The following ARHGEF11 variants were observed in gnomAD, a reference collection of about 807,000 sequenced individuals.
ARHGEF11 encodes Rho guanine nucleotide exchange factor 11.
In ARHGEF11, 55 loss-of-function variants were observed where a neutral mutation model predicts 193.7. That is an observed-to-expected ratio of 0.28 (90% CI 0.23 to 0.36). ARHGEF11 has a LOEUF of 0.36. Ranked by LOEUF, ARHGEF11 falls within the 10% of genes least tolerant of loss-of-function variation. The pLI is 1.00. For synonymous variants in ARHGEF11, 693 were observed against 768.0 expected, an observed-to-expected ratio of 0.90 and a Z score of 1.62; for missense variants, 1,723 against 2,005.6, an observed-to-expected ratio of 0.86 and a Z score of 2.69.
intron 1 of ARHGEF11, among the ~76,000 whole-genome samples, chr1:156,993,441 AATAG>A (rs1458762084): frequency 3.3e-5 from 5 of 152,176 alleles, no homozygotes; most frequent in Non-Finnish European, 7.3e-5. Flanking sequence ...ACATACATAA[AATAG>A]ATGGATAGAG....
At chr1:156,995,556 CTTCT>C (rs1473823354) in intron 1 of ARHGEF11, among the ~76,000 whole-genome samples, 5 of 150,350 alleles carry the variant, frequency 3.3e-5, no homozygotes, top group South Asian at 2.1e-4. Flanking sequence ...GCCTTTTCTT[CTTCT>C]TTTTTTTTTT....
intron 34 of ARHGEF11, 66 bp from the exon 35 acceptor site, chr1:156,941,499 T>C (rs1385480143): frequency 7.8e-6 from 12 of 1,539,940 alleles, no homozygotes; most frequent in Non-Finnish European, 2.7e-6. Flanking sequence ...TGCATTAGAA[T>C]GGGCAATGGA....
At chr1:157,007,262 T>A (rs1242108337) in intron 1 of ARHGEF11, among the ~76,000 whole-genome samples, 1 of 151,692 alleles carries the variant, frequency 6.6e-6, no homozygotes, top group Non-Finnish European at 1.5e-5. Flanking sequence ...AATGAGAGAA[T>A]AAAATGGCTG....
intron 34 of ARHGEF11, 63 bp from the exon 35 acceptor site, chr1:156,941,496 G>C (rs75968909): frequency 1.4e-5 from 22 of 1,550,012 alleles, no homozygotes; most frequent in Non-Finnish European, 2.0e-5. Flanking sequence ...TCATGCATTA[G>C]AATGGGCAAT....
At chr1:156,941,303 C>T in intron 35 of ARHGEF11, 69 bp downstream of exon 35, 1 of 1,520,310 alleles carries the variant, frequency 6.6e-7, no homozygotes, top group Non-Finnish European at 9.1e-7. Flanking sequence ...CGCCCCCATA[C>T]TCACACCCAA....
chr1:156,979,490 G>A (rs1663805927), intron 4 of ARHGEF11, among the ~76,000 whole-genome samples: 1 of 149,504 alleles, frequency 6.7e-6, no homozygotes, highest in East Asian at 2.0e-4. Context: ...TCAGCCTCCT[G>A]AGTAGCTGGG....
chr1:156,949,958 G>C (rs780120433), intron 22 of ARHGEF11, among the ~76,000 whole-genome samples: 1 of 152,140 alleles, frequency 6.6e-6, no homozygotes, highest in Non-Finnish European at 1.5e-5. Flanking sequence ...AAACCCAAAG[G>C]CTTCTGCTTA....
Position 156,951,707 on chromosome 1 carries a change from C to A in ARHGEF11, c.1799-8G>T. On this transcript the variant is annotated splice_polypyrimidine_tract_variant and splice_region_variant and intron_variant, in intron 21 of 40. Transcript: ENST00000368194. ...TCACATTGCCTGGTTTGACTAGAAGCAAAAAGAAAATGAAGGACACTAGGC... is the reference window on the plus strand; with the variant it reads ...TCACATTGCCTGGTTTGACTAGAAGAAAAAAGAAAATGAAGGACACTAGGC... 1 of 1,613,440 alleles carries A rather than the reference C, an allele frequency of 6.2e-7. No homozygotes were observed. Among genetic ancestry groups the A allele is most frequent in the Middle Eastern group, 1.7e-4 (1 of 6,050 alleles).
At chr1:156,937,929 A>G (rs1655852104) in intron 38 of ARHGEF11, among the ~76,000 whole-genome samples, 1 of 152,084 alleles carries the variant, frequency 6.6e-6, no homozygotes, top group Admixed American at 6.5e-5. Flanking sequence ...CCATGCCACG[A>G]TCCTCTGGAG....
At chr1:156,963,849 A>G in intron 11 of ARHGEF11, 1 of 1,116,528 alleles carries the variant, frequency 9.0e-7, no homozygotes, top group Non-Finnish European at 1.2e-6. Flanking sequence ...GATGGGAAGT[A>G]GGAGAAAATG....
intron 1 of ARHGEF11, among the ~76,000 whole-genome samples, chr1:156,987,802 A>C (rs1316034586): frequency 6.6e-6 from 1 of 152,160 alleles, no homozygotes; most frequent in East Asian, 1.9e-4. Context: ...AGGAGAGAGC[A>C]ACGCAGGACA....
intron 7 of ARHGEF11, among the ~76,000 whole-genome samples, chr1:156,974,603 C>T (rs1482794332): frequency 1.3e-5 from 2 of 152,200 alleles, no homozygotes; most frequent in African/African-American, 2.4e-5. Flanking sequence ...ACCCCTACTA[C>T]CTAATTCCAG....
chr1:157,013,263 T>C (rs12065378), intron 1 of ARHGEF11, among the ~76,000 whole-genome samples: 1 of 140,706 alleles, frequency 7.1e-6, no homozygotes, highest in Admixed American at 7.1e-5. Flanking sequence ...CCACTATCAC[T>C]CACACACACA....
chr1:157,033,709 G>A (rs2103025528), intron 1 of ARHGEF11, among the ~76,000 whole-genome samples: 1 of 152,160 alleles, frequency 6.6e-6, no homozygotes, highest in East Asian at 1.9e-4. Flanking sequence ...TCTCACTACA[G>A]ATCACAGCCA....
chr1:156,997,117 C>A (rs1384450266), intron 1 of ARHGEF11, among the ~76,000 whole-genome samples: 1 of 151,962 alleles, frequency 6.6e-6, no homozygotes, highest in Admixed American at 6.6e-5. Context: ...AATCCTCCCG[C>A]CTCAGCCTCT....
At chr1:156,957,941 G>A in intron 17 of ARHGEF11, 126 bp from the exon 18 acceptor site, 1 of 832,786 alleles carries the variant, frequency 1.2e-6, no homozygotes, top group South Asian at 1.4e-5. Flanking sequence ...AAGGAGAGAA[G>A]TACGTCTGAT....
intron 1 of ARHGEF11, among the ~76,000 whole-genome samples, chr1:157,013,574 C>T (rs1668833722): frequency 1.3e-5 from 2 of 152,104 alleles, no homozygotes; most frequent in South Asian, 2.1e-4. Flanking sequence ...ACCTTTCATT[C>T]TGTATAGCAA....
chr1:156,936,498 ATATAT>A (rs1291253359), intron 40 of ARHGEF11, among the ~76,000 whole-genome samples: 3 of 35,432 alleles, frequency 8.5e-5, no homozygotes, highest in South Asian at 1.3e-3. Flanking sequence ...AAAAAAAAAA[ATATAT>A]ATATATATAT....
chr1:156,967,286 T>G (rs963253641), intron 11 of ARHGEF11, among the ~76,000 whole-genome samples: 6 of 152,220 alleles, frequency 3.9e-5, no homozygotes, highest in Non-Finnish European at 8.8e-5. Flanking sequence ...CGTTGAATAT[T>G]TAGATGTCTA....
Sources: allele counts gnomAD v4.1 joint callset (sites outside exome capture counted in the v4.1 genomes callset), GRCh38; gene constraint gnomAD v4.1.1; transcripts MANE v1.5; gene names NCBI Gene and HGNC (gene_info 2026-07-23, HGNC 2026-07-21).